Variants in OR56A3 observed in about 807,000 individuals in gnomAD.
OR56A3 encodes olfactory receptor 56A3.
In OR56A3, 23 loss-of-function variants were observed where a neutral mutation model predicts 17.5. The observed-to-expected ratio is 1.32, with a 90% CI of 0.95 to 1.87. The LOEUF (loss-of-function observed/expected upper bound fraction) is 1.87. Ranked by LOEUF, OR56A3 falls within the 40% of genes most tolerant of loss-of-function variation. The pLI, the probability that OR56A3 is intolerant of heterozygous loss-of-function variation, is 0.00. For missense variants in OR56A3, 366 were observed against 380.1 expected (o/e 0.96, Z 0.31); for synonymous variants, 175 against 150.6 (o/e 1.16, Z -1.19).
the OR56A3 span, among the ~76,000 whole-genome samples, chr11:5,962,252 T>C: frequency 6.6e-6 from 1 of 152,216 alleles, no homozygotes; most frequent in Non-Finnish European, 1.5e-5. Flanking sequence ...TCTCACTTGA[T>C]TGTGGTAAAT....
At chr11:6,019,110 C>A in the OR56A3 span, among the ~76,000 whole-genome samples, 10 of 151,860 alleles carry the variant, frequency 6.6e-5, no homozygotes, top group African/African-American at 2.4e-4. Flanking sequence ...GAAGAAATAA[C>A]ACCAATTCTT....
the OR56A3 span, chr11:5,968,429 A>T: frequency 1.3e-6 from 2 of 1,599,188 alleles, no homozygotes; most frequent in Non-Finnish European, 1.7e-6. Context: ...AGCTCTGGAA[A>T]CTGGGGAAAC....
At chr11:5,954,400 A>G (rs1424245296), downstream of OR56A3, among the ~76,000 whole-genome samples, 2 of 152,162 alleles carry the variant, frequency 1.3e-5, no homozygotes, top group African/African-American at 2.4e-5. Flanking sequence ...ATTTATTGCT[A>G]GAGAGAAAGG....
At chr11:5,993,840 C>A in the OR56A3 span, 1 of 371,824 alleles carries the variant, frequency 2.7e-6, no homozygotes. Flanking sequence ...TTATTGGCCT[C>A]CTGCTCCCTA....
chr11:6,002,216 C>T, the OR56A3 span: 1 of 1,613,992 alleles, frequency 6.2e-7, no homozygotes, highest in Non-Finnish European at 8.5e-7. Flanking sequence ...TGACCAGAAC[C>T]AGCAGGACTG....
the OR56A3 span, chr11:5,967,871 G>T: frequency 4.4e-6 from 7 of 1,575,602 alleles, no homozygotes; most frequent in Non-Finnish European, 5.2e-6. Context: ...AGCCCAGCAG[G>T]GTCCAACCTA....
the OR56A3 span, among the ~76,000 whole-genome samples, chr11:5,991,259 G>GC: frequency 6.6e-6 from 1 of 152,146 alleles, no homozygotes; most frequent in Non-Finnish European, 1.5e-5. Flanking sequence ...ATGCCAAATG[G>GC]CCCTGTGAAT....
At chr11:6,002,369 A>G in the OR56A3 span, 2 of 1,614,212 alleles carry the variant, frequency 1.2e-6, no homozygotes, top group Non-Finnish European at 1.7e-6. Context: ...AGCCCAACAG[A>G]GTCCAGCCTG....
chr11:5,946,949 A>G (rs1258021157), intron 2 of OR56A3, among the ~76,000 whole-genome samples: 1 of 152,200 alleles, frequency 6.6e-6, no homozygotes, highest in African/African-American at 2.4e-5. Flanking sequence ...ATGGTAGGCT[A>G]TGTGTACATT....
At chr11:5,990,128 G>A in the OR56A3 span, among the ~76,000 whole-genome samples, 1 of 152,126 alleles carries the variant, frequency 6.6e-6, no homozygotes, top group Non-Finnish European at 1.5e-5. Context: ...TAAAGAGCAG[G>A]GACTCTGCAT....
the OR56A3 span, among the ~76,000 whole-genome samples, chr11:5,971,244 T>G: frequency 1.3e-5 from 2 of 152,178 alleles, no homozygotes; most frequent in African/African-American, 4.8e-5. Context: ...TACCTTGTAT[T>G]TCCTCCAAAT....
chr11:5,965,577 A>C, the OR56A3 span, among the ~76,000 whole-genome samples: 1 of 152,246 alleles, frequency 6.6e-6, no homozygotes, highest in Non-Finnish European at 1.5e-5. Context: ...TAAGAAAAAA[A>C]TAAGAAGATG....
At chr11:5,987,747 C>A in the OR56A3 span, among the ~76,000 whole-genome samples, 1 of 151,960 alleles carries the variant, frequency 6.6e-6, no homozygotes, top group East Asian at 1.9e-4. Context: ...TATGTTAACC[C>A]CTCTTATATC....
chr11:5,983,902 C>T, the OR56A3 span, among the ~76,000 whole-genome samples: 30 of 152,318 alleles, frequency 2.0e-4, no homozygotes, highest in South Asian at 1.5e-3. Flanking sequence ...ATACCATAGC[C>T]TAACCTGCAT....
At chr11:6,020,090 C>G in the OR56A3 span, 3 of 152,084 alleles carry the variant, frequency 2.0e-5, no homozygotes, top group Non-Finnish European at 4.4e-5. Context: ...TCAGGTATCT[C>G]TCCTCCCCCA....
the OR56A3 span, among the ~76,000 whole-genome samples, chr11:5,966,893 AACACACAC>A: frequency 1.4e-5 from 2 of 147,130 alleles, no homozygotes; most frequent in African/African-American, 5.1e-5. Flanking sequence ...CACTTAAAGC[AACACACAC>A]ACACACACAC....
intron 1 of OR56A3, among the ~76,000 whole-genome samples, chr11:5,943,752 A>G (rs1157141408): frequency 6.6e-6 from 1 of 152,224 alleles, no homozygotes; most frequent in Non-Finnish European, 1.5e-5. Context: ...AGAATAAAAT[A>G]CCTGAGAATA....
chr11:6,016,492 TGCA>T, the OR56A3 span, among the ~76,000 whole-genome samples: 1 of 152,006 alleles, frequency 6.6e-6, no homozygotes, highest in Non-Finnish European at 1.5e-5. Context: ...TATAGTTACA[TGCA>T]CACACACAAA....
the OR56A3 span, among the ~76,000 whole-genome samples, chr11:5,996,180 GA>G: frequency 5.9e-5 from 9 of 152,224 alleles, no homozygotes; most frequent in Admixed American, 2.6e-4. Context: ...GATGAATGGG[GA>G]AAGAAAATTT....
Sources: gnomAD v4.1 joint callset for allele counts (sites outside exome capture counted in the v4.1 genomes callset) on GRCh38, gnomAD v4.1.1 for gene constraint, MANE v1.5 for transcripts, NCBI Gene and HGNC (gene_info 2026-07-23, HGNC 2026-07-21) for gene names.